COL4A2: variants seen among roughly 807,000 people sequenced by gnomAD.
The protein encoded by COL4A2 is collagen type IV alpha 2 chain.
Under a neutral mutation model 200.2 loss-of-function variants are expected in COL4A2, and 99 were observed. The observed-to-expected ratio is 0.49, with a 90% CI of 0.42 to 0.58. The LOEUF is 0.58. Among genes scored for constraint, COL4A2 ranks in the 20% least tolerant of loss-of-function variants. The probability of loss-of-function intolerance (pLI) is 0.00; values close to 1 mark genes in which losing one functional copy is unlikely to be tolerated. For missense variants in COL4A2, 1,950 were observed against 2,314.1 expected (o/e 0.84, Z 3.23); for synonymous variants, 897 against 900.6 (o/e 1.00, Z 0.07).
At position 110,385,982 on chromosome 13, in the gene COL4A2, AGC is replaced by A. The variant is rs1338467779; in HGVS notation, c.180+28432_180+28433del. ...CAGCGTGTGGATGGGCCGTGGTCACAGCGTGTGGATGGGCCGTGGTCACAGCG... is the reference window on the plus strand; with the variant it reads ...CAGCGTGTGGATGGGCCGTGGTCACAGTGTGGATGGGCCGTGGTCACAGCG... On this transcript the variant is annotated intron_variant, in intron 4 of 47. Transcript: ENST00000360467. 6.7e-4 allele frequency among the ~76,000 whole-genome samples: 94 copies of A among 141,250 alleles called. 22 individuals carry two copies. The highest frequency in any genetic ancestry group is 2.4e-3 in the African/African-American group (87 of 36,236). 92.7% of individuals were successfully genotyped at this position (141,250 alleles called of 152,430 possible). A position where few individuals can be genotyped will look rare whatever the true frequency, so the allele number is the denominator to read the frequency against.
chr13:110,483,292 C>T (rs1364536518), intron 32 of COL4A2, among the ~76,000 whole-genome samples: 3 of 152,176 alleles, frequency 2.0e-5, no homozygotes, highest in Non-Finnish European at 2.9e-5. Flanking sequence ...GAAATGGGAA[C>T]CTTCACAGGC....
At chr13:110,351,345 G>C (rs1039182108) in intron 3 of COL4A2, among the ~76,000 whole-genome samples, 1 of 152,254 alleles carries the variant, frequency 6.6e-6, no homozygotes, top group Admixed American at 6.5e-5. Flanking sequence ...AAAGTGCTGG[G>C]ATTACAGGCA....
intron 4 of COL4A2, among the ~76,000 whole-genome samples, chr13:110,409,107 CAT>C (rs1481897172): frequency 1.3e-4 from 10 of 79,768 alleles, no homozygotes; most frequent in East Asian, 7.9e-4. Context: ...GACACATACA[CAT>C]AACACACATA....
intron 3 of COL4A2, among the ~76,000 whole-genome samples, chr13:110,318,828 T>G (rs1361919286): frequency 6.6e-6 from 1 of 152,136 alleles, no homozygotes; most frequent in East Asian, 1.9e-4. Context: ...CCTCAATACC[T>G]AAAGAACTTG....
At chr13:110,487,114 T>G (rs454575) in intron 34 of COL4A2, among the ~76,000 whole-genome samples, 133,424 of 152,236 alleles carry the variant, frequency 0.88, 58,414 homozygotes, top group Middle Eastern at 0.93. Flanking sequence ...CAGCTGAGAG[T>G]ATCTTCTAGC....
Position 110,503,946 on chromosome 13 carries a change from CT to C in COL4A2, c.4239del (p.Ala1415HisfsTer44), listed in dbSNP as rs1883748936. 3 of 1,578,950 alleles carry C rather than the reference CT, an allele frequency of 1.9e-6. No individual in the cohort carries two copies. Among genetic ancestry groups the C allele is most frequent in the Non-Finnish European group, 2.6e-6 (3 of 1,159,646 alleles). On this transcript the variant is annotated frameshift_variant, in exon 44 of 48. Transcript: ENST00000360467. LOFTEE classifies it high-confidence loss of function. ...GGTCCCCAGGGGAGGCGAGGCCCCCCTGGGGCACCGGGGGAGATGGGGCCCC... is the reference window on the plus strand; with the variant it reads ...GGTCCCCAGGGGAGGCGAGGCCCCCCGGGGCACCGGGGGAGATGGGGCCCC... The part of the protein sequence containing the change: ...TVGPQGRRGP[P>X]GAPGEMGPQG...
intron 27 of COL4A2, chr13:110,468,317 C>T (rs571146097): frequency 2.8e-5 from 13 of 467,018 alleles, no homozygotes; most frequent in African/African-American, 2.0e-4. Context: ...GACCTGCCCC[C>T]GGTCTAATTC....
rs1883100604 is a variant in COL4A2, at chr13:110,485,790, C to T, written c.3161C>T (p.Ala1054Val). ...IPGLPGFPGV[A>V]GPPGITGFPG... is the part of the protein sequence containing the mutation. The stretch of plus-strand genomic sequence containing the variant: ...GGTTTGCCAGGATTCCCTGGGGTGG[C>T]TGGCCCCCCTGGAATTACGGGATTC... Residue 1054 changes from alanine to valine, a missense_variant, in exon 34 of 48, where the codon GCT becomes GTT. Physicochemically the swap from Ala to Val is moderately conservative, Grantham distance 64. Transcript: ENST00000360467. 1 of 1,613,810 alleles carries T rather than the reference C, an allele frequency of 6.2e-7. No individual in the cohort carries two copies. Among genetic ancestry groups the T allele is most frequent in the Non-Finnish European group, 8.5e-7 (1 of 1,179,900 alleles).
chr13:110,385,606 GA>G (rs1878683933), intron 4 of COL4A2, among the ~76,000 whole-genome samples: 1 of 148,892 alleles, frequency 6.7e-6, no homozygotes, highest in Non-Finnish European at 1.5e-5. Context: ...ACAGTGTGTG[GA>G]TAGGCCGTGG....
At chr13:110,340,557 C>CT (rs1783662118) in intron 3 of COL4A2, among the ~76,000 whole-genome samples, 1 of 152,210 alleles carries the variant, frequency 6.6e-6, no homozygotes, top group African/African-American at 2.4e-5. Flanking sequence ...GGTTCATCCC[C>CT]TCCCCACCTT....
At chr13:110,464,760 C>T (rs1380598332) in intron 24 of COL4A2, among the ~76,000 whole-genome samples, 1 of 152,148 alleles carries the variant, frequency 6.6e-6, no homozygotes, top group African/African-American at 2.4e-5. Context: ...GTTCCACCAG[C>T]ACGTGGGGAC....
chr13:110,508,328 A>G lies in COL4A2; in HGVS notation c.4881+107A>G, dbSNP rs1883960655. On this transcript the variant is annotated intron_variant, in intron 47 of 47. Coordinates refer to ENST00000360467, the MANE Select transcript of COL4A2 (RefSeq NM_001846.4). This position sits in a 1 kb window ranked among gnomAD's most constrained non-coding sequence, Gnocchi z 6.1. ...TCAGACACGGCAGTCCAGGGTGTGC[A>G]CTGCACAAGGGTAGTTGGCCCAGGA... The G allele has an allele frequency of 1.1e-5, 17 of 1,536,790 alleles. No homozygotes were observed. Among genetic ancestry groups the G allele is most frequent in the Admixed American group, 1.8e-5 (1 of 56,726 alleles).
chr13:110,428,636 C>A, intron 7 of COL4A2, 53 bp downstream of exon 7: 2 of 1,089,830 alleles, frequency 1.8e-6, no homozygotes, highest in Middle Eastern at 2.4e-4. Context: ...CCCTGCTAAG[C>A]CCTGCCTTTA....
At chr13:110,440,039 C>T (rs1477468672) in intron 16 of COL4A2, among the ~76,000 whole-genome samples, 1 of 152,172 alleles carries the variant, frequency 6.6e-6, no homozygotes, top group Admixed American at 6.5e-5. Context: ...TGCAAACTAT[C>T]TTTTGCTTCC....
intron 24 of COL4A2, among the ~76,000 whole-genome samples, chr13:110,465,040 T>C (rs1400198795): frequency 2.0e-5 from 3 of 152,362 alleles, no homozygotes; most frequent in Middle Eastern, 3.4e-3. Flanking sequence ...TGCTAAATTA[T>C]AACAACAAAA....
In COL4A2 at chr13:110,465,093, G is replaced by A. The variant is rs376666813; in HGVS notation, c.1777-312G>A. Reference sequence around the variant, plus strand: ...CACCCACAGTAGAACACAAAAGCCTGTGCCTTCGCTGTTCTGGAGATGAAG... The same window carrying A: ...CACCCACAGTAGAACACAAAAGCCTATGCCTTCGCTGTTCTGGAGATGAAG... On this transcript the variant is annotated intron_variant, in intron 24 of 47. Coordinates refer to ENST00000360467, the MANE Select transcript of COL4A2 (RefSeq NM_001846.4). Among the ~76,000 whole-genome samples the A allele has an allele frequency of 1.2e-3, 184 of 152,354 alleles. 1 individual carries two copies. Among genetic ancestry groups the A allele is most frequent in the African/African-American group, 4.2e-3 (175 of 41,578 alleles).
intron 4 of COL4A2, among the ~76,000 whole-genome samples, chr13:110,411,499 GT>G (rs1469211567): frequency 6.6e-5 from 10 of 152,116 alleles, no homozygotes; most frequent in Admixed American, 6.5e-5. Context: ...GCTTGTTTGG[GT>G]TTCACCTTCT....
intron 40 of COL4A2, among the ~76,000 whole-genome samples, chr13:110,499,499 T>G (rs1403050562): frequency 6.8e-6 from 1 of 148,040 alleles, no homozygotes; most frequent in Non-Finnish European, 1.5e-5. Flanking sequence ...TCCTACGACA[T>G]GTAGGGACTT....
chr13:110,395,367 T>G (rs1432368965), intron 4 of COL4A2, among the ~76,000 whole-genome samples: 3 of 152,136 alleles, frequency 2.0e-5, no homozygotes, highest in Non-Finnish European at 1.5e-5. Context: ...TTTCATTCAT[T>G]GTGGACAGAT....
Sources: allele counts gnomAD v4.1 joint callset (sites outside exome capture counted in the v4.1 genomes callset), GRCh38; gene constraint gnomAD v4.1.1; non-coding constraint Gnocchi (gnomAD v3.1); transcripts MANE v1.5; gene names NCBI Gene and HGNC (gene_info 2026-07-23, HGNC 2026-07-21).